Variants in ALDH6A1 observed in about 807,000 individuals in gnomAD.
The protein encoded by ALDH6A1 is methylmalonate-semialdehyde/malonate-semialdehyde dehydrogenase [acylating], mitochondrial.
ALDH6A1 carries 43 observed loss-of-function variants against 62.6 expected under a neutral mutation model. The observed-to-expected ratio is 0.69, with a 90% CI of 0.54 to 0.89. ALDH6A1 has a LOEUF of 0.89. Among genes scored for constraint, ALDH6A1 ranks in the 40% least tolerant of loss-of-function variants. The pLI is 0.00. For missense variants in ALDH6A1, 551 were observed against 661.3 expected, an observed-to-expected ratio of 0.83 and a Z score of 1.83; for synonymous variants, 194 against 234.2, an observed-to-expected ratio of 0.83 and a Z score of 1.57.
intron 1 of ALDH6A1, among the ~76,000 whole-genome samples, chr14:74,076,497 G>A (rs1435712783): frequency 6.6e-6 from 1 of 151,994 alleles, no homozygotes; most frequent in Non-Finnish European, 1.5e-5. Context: ...AAGTAGCTCA[G>A]ATTATAGGTG....
At chr14:74,069,517 G>A (rs1472474345) in intron 6 of ALDH6A1, among the ~76,000 whole-genome samples, 2 of 151,854 alleles carry the variant, frequency 1.3e-5, no homozygotes, top group African/African-American at 4.8e-5. Flanking sequence ...TTGGGAGGCC[G>A]AGGCAGGTGG....
At chr14:74,071,816 GC>G in intron 5 of ALDH6A1, 79 bp downstream of exon 5, 1 of 1,533,510 alleles carries the variant, frequency 6.5e-7, no homozygotes, top group Non-Finnish European at 9.0e-7. Context: ...AAAGGAAGAA[GC>G]AACCTCCCAT....
intron 6 of ALDH6A1, among the ~76,000 whole-genome samples, chr14:74,070,058 C>G (rs1177639399): frequency 6.6e-6 from 1 of 151,860 alleles, no homozygotes; most frequent in Non-Finnish European, 1.5e-5. Context: ...CCAGGCTGGT[C>G]TCGAACTCCT....
chr14:74,082,292 G>A (rs1388350605), intron 1 of ALDH6A1, among the ~76,000 whole-genome samples: 6 of 151,196 alleles, frequency 4.0e-5, no homozygotes, highest in African/African-American at 1.5e-4. Flanking sequence ...CTTCGTGGCA[G>A]AGAAAAATAA....
chr14:74,062,051 GAAAAAAAAAA>G (rs369414700), intron 11 of ALDH6A1, among the ~76,000 whole-genome samples: 16 of 59,616 alleles, frequency 2.7e-4, no homozygotes, highest in Admixed American at 9.8e-4. Flanking sequence ...TCTCTACTGG[GAAAAAAAAAA>G]AAAAAAAAAA....
In ALDH6A1 at chr14:74,060,340, A is replaced by T. The variant is rs1451620661; in HGVS notation, c.*302T>A. 1 of 345,270 alleles carries T rather than the reference A, an allele frequency of 2.9e-6. No homozygotes were observed. Among genetic ancestry groups the T allele is most frequent in the African/African-American group, 2.1e-5 (1 of 47,570 alleles). 21.4% of individuals were successfully genotyped at this position (345,270 alleles called of 1,614,324 possible). A position where few individuals can be genotyped will look rare whatever the true frequency, so the allele number is the denominator to read the frequency against. ...CATACACTGGCTTTTCTCCCCTTCA[A>T]ATCATCAGAAAATGGGATAATTTTT... is the stretch of plus-strand genomic sequence containing the variant. On this transcript the variant is annotated 3_prime_UTR_variant, in exon 12 of 12. Transcript: ENST00000553458.
rs1211987149 is a variant in ALDH6A1 at position 74,072,191 on chromosome 14, T to C, written c.348+12A>G. The C allele has an allele frequency of 1.2e-6, 2 of 1,614,088 alleles. No individual in the cohort carries two copies. Among genetic ancestry groups the C allele is most frequent in the Non-Finnish European group, 1.7e-6 (2 of 1,180,050 alleles). On this transcript the variant is annotated intron_variant, in intron 4 of 11. Coordinates refer to ENST00000553458, the MANE Select transcript of ALDH6A1 (RefSeq NM_005589.4). Reference sequence around the variant, plus strand: ...TGACAGTTTGGAAAAGCATACCATTTAGATTTCATACCAAGTTTTCTTTAA... The same window carrying C: ...TGACAGTTTGGAAAAGCATACCATTCAGATTTCATACCAAGTTTTCTTTAA...
At chr14:74,077,364 T>G (rs541192500) in intron 1 of ALDH6A1, among the ~76,000 whole-genome samples, 7 of 152,320 alleles carry the variant, frequency 4.6e-5, no homozygotes, top group African/African-American at 1.4e-4. Flanking sequence ...TATTCCGTTT[T>G]GTGTTGCTAT....
chr14:74,066,674 C>T, intron 9 of ALDH6A1, 31 bp downstream of exon 9: 1 of 1,600,488 alleles, frequency 6.2e-7, no homozygotes, highest in Non-Finnish European at 8.6e-7. Flanking sequence ...GTGCCTTCAG[C>T]TCTCATATTT....
intron 8 of ALDH6A1, 82 bp downstream of exon 8, chr14:74,067,298 A>G: frequency 2.0e-6 from 3 of 1,499,632 alleles, no homozygotes; most frequent in South Asian, 2.3e-5. Flanking sequence ...GATTGTTCCC[A>G]CTGGCCAAGG....
Position 74,065,213 on chromosome 14 carries a change from G to T in ALDH6A1, c.1372C>A (p.Arg458=). 1 of 1,614,056 alleles carries T rather than the reference G, an allele frequency of 6.2e-7. No homozygotes were observed. The highest frequency in any genetic ancestry group is 1.1e-5 in the South Asian group (1 of 91,056). ...ACATCCACCAAGTGGGCATATTTCCGAGCAGTGGCTCCATTGGTGGTGAAG... is the reference window on the plus strand; with the variant it reads ...ACATCCACCAAGTGGGCATATTTCCTAGCAGTGGCTCCATTGGTGGTGAAG... The part of the protein sequence containing the change: ...AIFTTNGATA[R]KYAHLVDVGQ... Residue 458 remains arginine (R), a synonymous_variant, in exon 10 of 12, where the codon CGG becomes AGG. Transcript: ENST00000553458.
chr14:74,065,080 C>A, intron 10 of ALDH6A1, 101 bp downstream of exon 10: 1 of 1,463,770 alleles, frequency 6.8e-7, no homozygotes, highest in Non-Finnish European at 9.5e-7. Flanking sequence ...TGTGGGAGGT[C>A]ATGGGGGCAA....
At chr14:74,079,342 G>A (rs900576490) in intron 1 of ALDH6A1, among the ~76,000 whole-genome samples, 3 of 151,744 alleles carry the variant, frequency 2.0e-5, no homozygotes, top group Non-Finnish European at 4.4e-5. Context: ...CACCTCCCGG[G>A]TTCAGGCGAT....
intron 1 of ALDH6A1, among the ~76,000 whole-genome samples, chr14:74,076,928 A>T (rs1036497243): frequency 2.6e-5 from 4 of 152,168 alleles, no homozygotes; most frequent in African/African-American, 9.7e-5. Context: ...CAGGACTGGG[A>T]TATAAAGGAA....
chr14:74,056,961 G>A lies in ALDH6A1; in HGVS notation c.*3681C>T, dbSNP rs1017380962. On this transcript the variant is annotated 3_prime_UTR_variant, in exon 12 of 12. Coordinates refer to ENST00000553458, the MANE Select transcript of ALDH6A1 (RefSeq NM_005589.4). ...TCCAGACTATGTTGTTTCTGACAGTGGGGAAACAAAGGAATTTGGGTAAGA... is the reference window on the plus strand; with the variant it reads ...TCCAGACTATGTTGTTTCTGACAGTAGGGAAACAAAGGAATTTGGGTAAGA... 8 of 1,613,554 alleles carry A rather than the reference G, an allele frequency of 5.0e-6. No individual in the cohort carries two copies. The highest frequency in any genetic ancestry group is 6.8e-6 in the Non-Finnish European group (8 of 1,179,664).
Position 74,068,885 on chromosome 14 carries a change from T to C in ALDH6A1, c.827A>G (p.His276Arg), listed in dbSNP as rs779188591. 12 of 1,613,936 alleles carry C rather than the reference T, an allele frequency of 7.4e-6. No homozygotes were observed. The Admixed American group carries it at 1.3e-4, about 18-fold the overall frequency. Residue 276 changes from histidine (H) to arginine (R), a missense_variant, in exon 7 of 12, where the codon CAT (histidine) becomes CGT (arginine). By Grantham distance (29) the His-to-Arg change is conservative. Coordinates refer to ENST00000553458, the MANE Select transcript of ALDH6A1 (RefSeq NM_005589.4). ...CATATTGGCTTGAACCCTCTTGCCA[T>C]GTCTTGATCCTCTCTCGAAGATATA... is the stretch of plus-strand genomic sequence containing the variant. ...GEYIFERGSR[H>R]GKRVQANMGA...
chr14:74,079,634 A>G (rs1461411624), intron 1 of ALDH6A1, among the ~76,000 whole-genome samples: 1 of 151,150 alleles, frequency 6.6e-6, no homozygotes, highest in East Asian at 2.0e-4. Context: ...GGGTTTCACC[A>G]TGTTAGCCAG....
chr14:74,068,954 T>C lies in ALDH6A1; in HGVS notation c.758A>G (p.Asp253Gly). ...EAVNFICDHPDIKAISFVGSN... is the reference protein window; with the variant it reads ...EAVNFICDHPGIKAISFVGSN... Reference sequence around the variant, plus strand: ...TCCCACAAAGCTGATTGCTTTGATGTCCGGATGATCGCAAATAAAATTTAC... The same window carrying C: ...TCCCACAAAGCTGATTGCTTTGATGCCCGGATGATCGCAAATAAAATTTAC... Residue 253 changes from aspartate (D) to glycine (G), a missense_variant, in exon 7 of 12, where the codon GAC becomes GGC. Coordinates refer to ENST00000553458, the MANE Select transcript of ALDH6A1 (RefSeq NM_005589.4). The C allele has an allele frequency of 6.2e-7, 1 of 1,614,018 alleles. No individual in the cohort carries two copies. The highest frequency in any genetic ancestry group is 1.1e-5 in the South Asian group (1 of 91,078).
chr14:74,065,828 G>A (rs3742805), intron 9 of ALDH6A1: 20,821 of 174,770 alleles, frequency 0.12, 1,606 homozygotes, highest in Admixed American at 0.2. Flanking sequence ...AAATATGTCT[G>A]TATGTTTATA....
Sources: allele counts gnomAD v4.1 joint callset (sites outside exome capture counted in the v4.1 genomes callset), GRCh38; gene constraint gnomAD v4.1.1; transcripts MANE v1.5; gene names NCBI Gene and HGNC (gene_info 2026-07-23, HGNC 2026-07-21).